The following NFKB1 variants were observed in gnomAD, a reference collection of about 807,000 sequenced individuals.
NFKB1 encodes nuclear factor NF-kappa-B p105 subunit.
A neutral mutation model predicts 105.1 loss-of-function variants in NFKB1; 9 were observed. That is an observed-to-expected ratio of 0.09 (90% CI 0.05 to 0.15). NFKB1 has a LOEUF of 0.15. Ranked by LOEUF, NFKB1 falls within the 10% of genes least tolerant of loss-of-function variation. The pLI, the probability that NFKB1 is intolerant of heterozygous loss-of-function variation, is 1.00. For synonymous variants in NFKB1, 440 were observed against 442.2 expected, an observed-to-expected ratio of 1.00 and a Z score of 0.06; for missense variants, 830 against 1,203.7, an observed-to-expected ratio of 0.69 and a Z score of 4.59.
intron 1 of NFKB1, among the ~76,000 whole-genome samples, chr4:102,510,182 C>T (rs1199256101): frequency 1.3e-5 from 2 of 152,192 alleles, no homozygotes; most frequent in African/African-American, 4.8e-5. Context: ...TTCTCCCTCC[C>T]CTTTCCATAA....
chr4:102,595,821 T>C (rs1712355100), intron 13 of NFKB1, among the ~76,000 whole-genome samples: 2 of 152,220 alleles, frequency 1.3e-5, no homozygotes, highest in Admixed American at 1.3e-4. Context: ...AACTGCTCTG[T>C]TTTCAAGAAC....
At chr4:102,513,195 A>G (rs1739895279) in intron 1 of NFKB1, among the ~76,000 whole-genome samples, 1 of 152,208 alleles carries the variant, frequency 6.6e-6, no homozygotes, top group Non-Finnish European at 1.5e-5. Flanking sequence ...TGCCATCTGA[A>G]TGAAAGACCT....
chr4:102,533,111 G>A (rs1741406270), intron 3 of NFKB1, among the ~76,000 whole-genome samples: 1 of 152,006 alleles, frequency 6.6e-6, no homozygotes, highest in Non-Finnish European at 1.5e-5. Context: ...AGATGTTTTA[G>A]AACACAGTTT....
chr4:102,588,192 T>G (rs1167638741), intron 11 of NFKB1, among the ~76,000 whole-genome samples: 1 of 152,188 alleles, frequency 6.6e-6, no homozygotes, highest in Admixed American at 6.6e-5. Context: ...ACTTATTGAT[T>G]GACCAGCCAA....
Position 102,613,433 on chromosome 4 carries a change from G to T in NFKB1, c.2601G>T (p.Gly867=). 6.2e-7 allele frequency: 1 copy of T among 1,613,824 alleles called. No individual in the cohort carries two copies. Among genetic ancestry groups the T allele is most frequent in the Non-Finnish European group, 8.5e-7 (1 of 1,179,916 alleles). Residue 867 remains glycine, a synonymous_variant, in exon 23 of 24, where the codon GGG becomes GGT. Transcript: ENST00000226574. The part of the protein sequence containing the change: ...KTLMDNYEVS[G]GTVRELVEAL... The stretch of plus-strand genomic sequence containing the variant: ...TCCTTTCTTTCTCACAGGTCTCTGG[G>T]GGTACAGTCAGAGAGCTGGTGGAGG...
At chr4:102,580,929 A>G (rs1725269265) in intron 9 of NFKB1, among the ~76,000 whole-genome samples, 2 of 152,242 alleles carry the variant, frequency 1.3e-5, no homozygotes, top group South Asian at 4.1e-4. Context: ...TAAAATTAAT[A>G]TCTGTACTTT....
chr4:102,586,976 G>C (rs896056440), intron 11 of NFKB1, among the ~76,000 whole-genome samples: 5 of 152,244 alleles, frequency 3.3e-5, no homozygotes, highest in African/African-American at 9.6e-5. Flanking sequence ...TCTTTTCTGA[G>C]GTTGTGGCCT....
chr4:102,542,200 GT>G (rs923882231), intron 5 of NFKB1, among the ~76,000 whole-genome samples: 34 of 152,136 alleles, frequency 2.2e-4, no homozygotes, highest in African/African-American at 8.2e-4. Flanking sequence ...ATAAAACCCT[GT>G]TTCGCATAGG....
chr4:102,552,194 C>A (rs1158661267), intron 5 of NFKB1, among the ~76,000 whole-genome samples: 1 of 152,144 alleles, frequency 6.6e-6, no homozygotes, highest in Non-Finnish European at 1.5e-5. Context: ...GTCTTCAGAG[C>A]AGAATGGTGA....
chr4:102,607,209 G>C lies in NFKB1; in HGVS notation c.2014G>C (p.Val672Leu). The change falls in exon 18 of 24, where the codon GTG (valine) becomes CTG (leucine). Residue 672 changes from valine to leucine, a missense_variant. Coordinates refer to ENST00000226574, the MANE Select transcript of NFKB1 (RefSeq NM_003998.4). ...TAGCCTGCCATGTTTGCTGCTGCTG[G>C]TGGCCGCTGGGGCTGACGTCAATGC... ...SNSLPCLLLL[V>L]AAGADVNAQE... 6.2e-7 allele frequency: 1 copy of C among 1,614,172 alleles called. No individual in the cohort carries two copies. Among genetic ancestry groups the C allele is most frequent in the Non-Finnish European group, 8.5e-7 (1 of 1,180,034 alleles).
intron 18 of NFKB1, 136 bp downstream of exon 18, chr4:102,607,455 A>C: frequency 3.5e-6 from 4 of 1,132,774 alleles, no homozygotes; most frequent in Non-Finnish European, 5.1e-6. Context: ...GGAGGGCTTC[A>C]GAGTACCACC....
chr4:102,611,540 C>T (rs1728416243), intron 20 of NFKB1, among the ~76,000 whole-genome samples: 1 of 152,224 alleles, frequency 6.6e-6, no homozygotes, highest in African/African-American at 2.4e-5. Context: ...TAAGACAATT[C>T]TGGACCCTCA....
chr4:102,584,966 C>T (rs902018712), intron 11 of NFKB1, 146 bp downstream of exon 11: 12 of 660,604 alleles, frequency 1.8e-5, no homozygotes, highest in Admixed American at 3.3e-5. Flanking sequence ...ACTGCAACTT[C>T]GAACTCCTGG....
intron 9 of NFKB1, among the ~76,000 whole-genome samples, chr4:102,582,133 CA>C (rs759422909): frequency 2.5e-4 from 38 of 152,100 alleles, no homozygotes; most frequent in Non-Finnish European, 4.7e-4. Context: ...CTAGAGTGTG[CA>C]ATTTAAGCAT....
chr4:102,551,465 CTGTT>C (rs903834131), intron 5 of NFKB1, among the ~76,000 whole-genome samples: 24 of 152,258 alleles, frequency 1.6e-4, no homozygotes, highest in Admixed American at 1.0e-3. Flanking sequence ...TCTCCCTTCT[CTGTT>C]TGTGATAGAA....
At chr4:102,530,275 G>A (rs1044311245) in intron 3 of NFKB1, among the ~76,000 whole-genome samples, 6 of 152,122 alleles carry the variant, frequency 3.9e-5, no homozygotes, top group South Asian at 2.1e-4. Flanking sequence ...AAGAGGGCCT[G>A]TTGTGTACTA....
intron 11 of NFKB1, among the ~76,000 whole-genome samples, chr4:102,588,624 A>G (rs534063718): frequency 6.6e-6 from 1 of 152,290 alleles, no homozygotes; most frequent in South Asian, 2.1e-4. Context: ...CATGCACAGA[A>G]ATAGGTAGCA....
chr4:102,521,899 T>C (rs1252431758), intron 1 of NFKB1, among the ~76,000 whole-genome samples: 1 of 152,254 alleles, frequency 6.6e-6, no homozygotes, highest in Non-Finnish European at 1.5e-5. Flanking sequence ...ATTCACTGGC[T>C]ATTTTATTTG....
At chr4:102,602,895 G>A (rs1440426314) in intron 16 of NFKB1, among the ~76,000 whole-genome samples, 2 of 152,122 alleles carry the variant, frequency 1.3e-5, no homozygotes, top group Non-Finnish European at 2.9e-5. Context: ...CTTGATTCTC[G>A]CAGACTTTTG....
Sources: allele counts gnomAD v4.1 joint callset (sites outside exome capture counted in the v4.1 genomes callset), GRCh38; gene constraint gnomAD v4.1.1; transcripts MANE v1.5; gene names NCBI Gene and HGNC (gene_info 2026-07-23, HGNC 2026-07-21).